Variants in NTSR1 observed in about 807,000 individuals in gnomAD.
The protein encoded by NTSR1 is neurotensin receptor 1.
In NTSR1, 29 loss-of-function variants were observed where a neutral mutation model predicts 31.2. The ratio of observed to expected loss-of-function variants is 0.93; its 90% CI spans 0.69 to 1.27. The LOEUF (loss-of-function observed/expected upper bound fraction) is 1.27, where lower values mean the gene tolerates loss of function less well. NTSR1 is among the 50% of genes most tolerant of loss of function. The pLI is 0.00. For synonymous variants in NTSR1, 282 were observed against 269.9 expected, an observed-to-expected ratio of 1.04 and a Z score of -0.44; for missense variants, 697 against 595.4, an observed-to-expected ratio of 1.17 and a Z score of -1.78.
chr20:62,717,646 G>A (rs1018799444), intron 1 of NTSR1, among the ~76,000 whole-genome samples: 2 of 152,202 alleles, frequency 1.3e-5, no homozygotes, highest in African/African-American at 4.8e-5. Context: ...CCTGGACAAC[G>A]GCAGAAATGC....
At position 62,742,488 on chromosome 20, in the gene NTSR1, C is replaced by T. The variant is rs976366588; in HGVS notation, c.715-12197C>T. Among the ~76,000 whole-genome samples, 5 of 149,454 alleles carry T rather than the reference C, an allele frequency of 3.3e-5. No homozygotes were observed. The highest frequency in any genetic ancestry group is 5.0e-5 in the African/African-American group (2 of 40,014). On this transcript the variant is annotated intron_variant, in intron 1 of 3. Coordinates refer to ENST00000370501, the MANE Select transcript of NTSR1 (RefSeq NM_002531.3). The surrounding 1 kb of genome is among the most constrained non-coding windows in gnomAD (Gnocchi z 7.1). ...TGCTTAGATGCCTGGGAGGGAGGAC[C>T]GAGGAAAGAGACTGGGGACTGAGGG...
chr20:62,746,026 T>G (rs761375175), intron 1 of NTSR1, among the ~76,000 whole-genome samples: 1 of 152,180 alleles, frequency 6.6e-6, no homozygotes, highest in Non-Finnish European at 1.5e-5. Context: ...GGCCACCCTA[T>G]GTGGCCAGGG....
chr20:62,710,283 A>G (rs1988581880), intron 1 of NTSR1, among the ~76,000 whole-genome samples: 1 of 152,214 alleles, frequency 6.6e-6, no homozygotes, highest in African/African-American at 2.4e-5. Context: ...CCAACAGGTG[A>G]TGTTCCTTCC....
chr20:62,729,604 A>G (rs1422614755), intron 1 of NTSR1, among the ~76,000 whole-genome samples: 1 of 151,180 alleles, frequency 6.6e-6, no homozygotes, highest in Admixed American at 6.6e-5. Flanking sequence ...AGAGACCTAG[A>G]ACTTGGGGCT....
At chr20:62,735,060 A>G (rs1989065572) in intron 1 of NTSR1, among the ~76,000 whole-genome samples, 1 of 152,098 alleles carries the variant, frequency 6.6e-6, no homozygotes, top group Non-Finnish European at 1.5e-5. Context: ...CCCCATGTGG[A>G]GGCAGCCCTG....
chr20:62,729,422 G>A (rs908908322), intron 1 of NTSR1, among the ~76,000 whole-genome samples: 1 of 152,178 alleles, frequency 6.6e-6, no homozygotes, highest in Non-Finnish European at 1.5e-5. Flanking sequence ...CTGAGACAGG[G>A]ATTGTGGTGC....
chr20:62,750,690 C>CAAAAAAA (rs59850535), intron 1 of NTSR1, among the ~76,000 whole-genome samples: 2 of 55,150 alleles, frequency 3.6e-5, no homozygotes, highest in Non-Finnish European at 8.6e-5. Context: ...GACTCCGTCT[C>CAAAAAAA]AAAAAAAAAA....
intron 1 of NTSR1, among the ~76,000 whole-genome samples, chr20:62,748,792 G>T (rs568044929): frequency 2.6e-5 from 4 of 152,214 alleles, no homozygotes; most frequent in African/African-American, 9.6e-5. Context: ...AAATAAATGA[G>T]TTATAGGATT....
chr20:62,712,791 C>T (rs540216694), intron 1 of NTSR1, among the ~76,000 whole-genome samples: 2 of 152,218 alleles, frequency 1.3e-5, no homozygotes, highest in Admixed American at 1.3e-4. Flanking sequence ...TTGGATGGTC[C>T]CCCATGGCCC....
intron 1 of NTSR1, among the ~76,000 whole-genome samples, chr20:62,750,786 CTG>C (rs1989381348): frequency 6.6e-6 from 1 of 151,522 alleles, no homozygotes; most frequent in Non-Finnish European, 1.5e-5. Context: ...ACGGGGGTAA[CTG>C]TGAGGTGACG....
At position 62,759,640 on chromosome 20, in the gene NTSR1, G is replaced by C. The variant is rs185103903; in HGVS notation, c.1008-378G>C. Reference sequence around the variant, plus strand: ...ATACAAAAAATTAGCCGGGCGTGGTGGGGGGGTCCCTGTAGTCCCAGCTAC... The same window carrying C: ...ATACAAAAAATTAGCCGGGCGTGGTCGGGGGGTCCCTGTAGTCCCAGCTAC... On this transcript the variant is annotated intron_variant, in intron 3 of 3. Transcript: ENST00000370501. 1.9e-3 allele frequency among the ~76,000 whole-genome samples: 290 copies of C among 152,014 alleles called. 5 individuals carry two copies. The highest frequency in any genetic ancestry group is 0.018 in the South Asian group (86 of 4,754).
At chr20:62,749,260 T>C (rs1271375782) in intron 1 of NTSR1, among the ~76,000 whole-genome samples, 1 of 152,030 alleles carries the variant, frequency 6.6e-6, no homozygotes, top group Non-Finnish European at 1.5e-5. Flanking sequence ...GCTAACACGG[T>C]GAAACCCCGT....
intron 1 of NTSR1, among the ~76,000 whole-genome samples, chr20:62,738,937 C>T (rs1158346082): frequency 6.6e-6 from 1 of 152,242 alleles, no homozygotes; most frequent in Non-Finnish European, 1.5e-5. Context: ...CTGCCTTGTT[C>T]TTGACTCTAG....
rs946909077 is a variant in NTSR1 at position 62,741,416 on chromosome 20, G to T, written c.715-13269G>T. 6.7e-6 allele frequency among the ~76,000 whole-genome samples: 1 copy of T among 149,734 alleles called. No individual in the cohort carries two copies. Among genetic ancestry groups the T allele is most frequent in the South Asian group, 2.1e-4 (1 of 4,776 alleles). On this transcript the variant is annotated intron_variant, in intron 1 of 3. Transcript: ENST00000370501. This position sits in a 1 kb window ranked among gnomAD's most constrained non-coding sequence, Gnocchi z 4.3. The stretch of plus-strand genomic sequence containing the variant: ...CAAACCTCTTGCAGAGGTGACGGGT[G>T]ACTCACCAGCCCCGCTCAGAGGACG...
chr20:62,755,833 CCCTCCCTCCCTCCATCCAT>C (rs1989501912), intron 2 of NTSR1, among the ~76,000 whole-genome samples: 1 of 51,418 alleles, frequency 1.9e-5, no homozygotes, highest in Non-Finnish European at 3.7e-5. Context: ...CTCCATCCAT[CCCTCCCTCCCTCCATCCAT>C]CCTCCCTCCC....
chr20:62,757,247 T>C (rs934926227), intron 2 of NTSR1, among the ~76,000 whole-genome samples: 1 of 152,256 alleles, frequency 6.6e-6, no homozygotes, highest in African/African-American at 2.4e-5. Flanking sequence ...AGTCCATTTT[T>C]GTATATGGTG....
At chr20:62,736,019 C>T (rs1183581979) in intron 1 of NTSR1, among the ~76,000 whole-genome samples, 1 of 152,230 alleles carries the variant, frequency 6.6e-6, no homozygotes, top group Non-Finnish European at 1.5e-5. Context: ...CCAGTAATTC[C>T]CGTTTAAATT....
chr20:62,752,992 A>C (rs2147147260), intron 1 of NTSR1, among the ~76,000 whole-genome samples: 1 of 152,242 alleles, frequency 6.6e-6, no homozygotes, highest in South Asian at 2.1e-4. Flanking sequence ...GGCTCTCAGG[A>C]GCCCACACAG....
chr20:62,709,786 G>C lies in NTSR1; in HGVS notation c.579G>C (p.Trp193Cys). ...SRTKKFISAI[W>C]LASALLAVPM... ...CCAAGAAGTTCATCAGCGCCATCTG[G>C]CTCGCCTCGGCCCTGCTGGCGGTGC... Residue 193 changes from tryptophan (W) to cysteine (C), a missense_variant, in exon 1 of 4, where the codon TGG becomes TGC. Trp to Cys is a radical substitution (Grantham distance 215). Coordinates refer to ENST00000370501, the MANE Select transcript of NTSR1 (RefSeq NM_002531.3). The C allele has an allele frequency of 6.2e-7, 1 of 1,612,970 alleles. No homozygotes were observed. Among genetic ancestry groups the C allele is most frequent in the Non-Finnish European group, 8.5e-7 (1 of 1,179,918 alleles).
Sources: allele counts gnomAD v4.1 joint callset (sites outside exome capture counted in the v4.1 genomes callset), GRCh38; gene constraint gnomAD v4.1.1; non-coding constraint Gnocchi (gnomAD v3.1); transcripts MANE v1.5; gene names NCBI Gene and HGNC (gene_info 2026-07-23, HGNC 2026-07-21).